The following DEGS1 variants were observed in gnomAD, a reference collection of about 807,000 sequenced individuals.
DEGS1 encodes the protein sphingolipid delta(4)-desaturase DES1.
A neutral mutation model predicts 24.1 loss-of-function variants in DEGS1; 17 were observed. The ratio of observed to expected loss-of-function variants is 0.70; its 90% CI spans 0.48 to 1.06. DEGS1 has a LOEUF of 1.06. Among genes scored for constraint, DEGS1 ranks in the 50% least tolerant of loss-of-function variants. The pLI is 0.00. For missense variants in DEGS1, 366 were observed against 408.9 expected, an observed-to-expected ratio of 0.90 and a Z score of 0.91; for synonymous variants, 134 against 140.0, an observed-to-expected ratio of 0.96 and a Z score of 0.30.
chr1:224,184,493 C>T (rs1356059110), intron 1 of DEGS1, among the ~76,000 whole-genome samples: 2 of 125,718 alleles, frequency 1.6e-5, no homozygotes, highest in Non-Finnish European at 3.4e-5. Flanking sequence ...TGAGACTGCA[C>T]GTGTTTGTTT....
At chr1:224,188,266 T>A (rs1658445973) in intron 1 of DEGS1, among the ~76,000 whole-genome samples, 1 of 152,080 alleles carries the variant, frequency 6.6e-6, no homozygotes, top group African/African-American at 2.4e-5. Flanking sequence ...TCTAAATATT[T>A]TAAGGTTCAT....
Position 224,190,106 on chromosome 1 carries a change from G to A in DEGS1, c.612G>A (p.Leu204=). The A allele has an allele frequency of 6.2e-7, 1 of 1,613,470 alleles. No homozygotes were observed. Among genetic ancestry groups the A allele is most frequent in the African/African-American group, 1.3e-5 (1 of 74,900 alleles). ...VTFDILIYYF[L]GIKSLVYMLA... ...TTGACATTTTAATTTATTACTTTTT[G>A]GGAATTAAATCCTTAGTCTACATGT... The change falls in exon 2 of 3, where the codon TTG becomes TTA. Residue 204 remains leucine, a synonymous_variant. Transcript: ENST00000323699.
At chr1:224,185,523 G>A (rs1053904773) in intron 1 of DEGS1, among the ~76,000 whole-genome samples, 4 of 151,950 alleles carry the variant, frequency 2.6e-5, no homozygotes, top group Non-Finnish European at 2.9e-5. Context: ...TTTTTGAGAC[G>A]GAGCCGCACT....
intron 2 of DEGS1, 44 bp downstream of exon 2, chr1:224,190,363 T>A: frequency 6.9e-7 from 1 of 1,440,504 alleles, no homozygotes; most frequent in Non-Finnish European, 9.1e-7. Flanking sequence ...GTTTTTTCAT[T>A]TGTTTGTTTT....
At position 224,189,606 on chromosome 1, in the gene DEGS1, A is replaced by C; in HGVS notation, c.112A>C (p.Lys38Gln). 6.2e-7 allele frequency: 1 copy of C among 1,607,398 alleles called. No individual in the cohort carries two copies. The highest frequency in any genetic ancestry group is 8.5e-7 in the Non-Finnish European group (1 of 1,177,384). ...AKYPEIKSLM[K>Q]PDPNLIWIII... ...GTATCCAGAGATAAAGTCCTTGATG[A>C]AACCTGATCCCAATTTGATATGGAT... Residue 38 changes from lysine to glutamine, a missense_variant, in exon 2 of 3, where the codon AAA becomes CAA. Physicochemically the swap from Lys to Gln is moderately conservative, Grantham distance 53. Coordinates refer to ENST00000323699, the MANE Select transcript of DEGS1 (RefSeq NM_003676.4).
In DEGS1 at chr1:224,183,387, G is replaced by C; in HGVS notation, c.51G>C (p.Gln17His). Residue 17 changes from glutamine to histidine, a missense_variant, in exon 1 of 3, where the codon CAG (glutamine) becomes CAC (histidine). By Grantham distance (24) the Gln-to-His change is conservative. Transcript: ENST00000323699. ...REDFEWVYTDQPHADRRREIL... is the reference protein window; with the variant it reads ...REDFEWVYTDHPHADRRREIL... ...ACTTCGAGTGGGTCTACACCGACCA[G>C]CCGCACGCCGACCGGCGCCGGGAGA... 1 of 1,434,622 alleles carries C rather than the reference G, an allele frequency of 7.0e-7. No homozygotes were observed. The highest frequency in any genetic ancestry group is 9.2e-7 in the Non-Finnish European group (1 of 1,084,574). 88.9% of individuals were successfully genotyped at this position (1,434,622 alleles called of 1,614,324 possible).
At chr1:224,190,424 C>T in intron 2 of DEGS1, 105 bp downstream of exon 2, 1 of 1,008,374 alleles carries the variant, frequency 9.9e-7, no homozygotes, top group Non-Finnish European at 1.4e-6. Flanking sequence ...GTGGCACGAT[C>T]TCGGCTCACT....
intron 2 of DEGS1, among the ~76,000 whole-genome samples, chr1:224,191,590 CTTTTTTTTTTTTTTTT>C (rs748181749): frequency 1.9e-5 from 1 of 53,302 alleles, no homozygotes. Flanking sequence ...TTGATAAGTG[CTTTTTTTTTTTTTTTT>C]TTTTTTTTGA....
At position 224,190,205 on chromosome 1, in the gene DEGS1, A is replaced by G; in HGVS notation, c.711A>G (p.Leu237=). The part of the protein sequence containing the change: ...GHFIAEHYMF[L]KGHETYSYYG... Reference sequence around the variant, plus strand: ...TTATAGCTGAGCATTACATGTTCTTAAAGGGTCATGAAACTTACTCATATT... The same window carrying G: ...TTATAGCTGAGCATTACATGTTCTTGAAGGGTCATGAAACTTACTCATATT... The change falls in exon 2 of 3, where the codon TTA becomes TTG. Residue 237 remains leucine, a synonymous_variant. Transcript: ENST00000323699. 6.5e-7 allele frequency: 1 copy of G among 1,541,380 alleles called. No individual in the cohort carries two copies. Among genetic ancestry groups the G allele is most frequent in the Non-Finnish European group, 8.7e-7 (1 of 1,148,560 alleles).
At chr1:224,189,175 CTG>C (rs746502908) in intron 1 of DEGS1, among the ~76,000 whole-genome samples, 17 of 152,294 alleles carry the variant, frequency 1.1e-4, no homozygotes, top group South Asian at 4.1e-4. Context: ...TCTGAGAAAA[CTG>C]TGAATACCAG....
intron 1 of DEGS1, among the ~76,000 whole-genome samples, chr1:224,184,332 C>T (rs1166000484): frequency 6.6e-6 from 1 of 152,154 alleles, no homozygotes; most frequent in East Asian, 1.9e-4. Flanking sequence ...AAACATTACC[C>T]AATTTCATCC....
Position 224,192,928 on chromosome 1 carries a change from C to T in DEGS1, c.*450C>T, listed in dbSNP as rs112243303. 0.046 allele frequency: 7,466 copies of T among 162,388 alleles called. 256 individuals are homozygous for T. Among genetic ancestry groups the T allele is most frequent in the Non-Finnish European group, 0.066 (4,978 of 75,396 alleles). The allele number at this position is 162,388 out of a possible 1,614,324, so 10.1% of individuals were successfully genotyped here. A position where few individuals can be genotyped will look rare whatever the true frequency, so the allele number is the denominator to read the frequency against. ...AATTAGCCGGGCGTGGCGGCACATG[C>T]CTGTAATCCCAGCTACATGGGAGGC... On this transcript the variant is annotated 3_prime_UTR_variant, in exon 3 of 3. Transcript: ENST00000323699.
chr1:224,189,645 G>T lies in DEGS1; in HGVS notation c.151G>T (p.Val51Phe), dbSNP rs1249216360. 3.1e-6 allele frequency: 5 copies of T among 1,613,526 alleles called. No individual in the cohort carries two copies. In the South Asian group the frequency reaches 5.5e-5, roughly 18 times the overall value. The change falls in exon 2 of 3, where the codon GTT (valine) becomes TTT (phenylalanine). Residue 51 changes from valine to phenylalanine, a missense_variant. Transcript: ENST00000323699. Reference sequence around the variant, plus strand: ...TTTGATATGGATTATAATTATGATGGTTCTCACCCAGTTGGGTGCATTTTA... The same window carrying T: ...TTTGATATGGATTATAATTATGATGTTTCTCACCCAGTTGGGTGCATTTTA... The part of the protein sequence containing the change: ...PNLIWIIIMM[V>F]LTQLGAFYIV...
intron 1 of DEGS1, among the ~76,000 whole-genome samples, chr1:224,186,712 C>CA (rs34809195): frequency 0.081 from 6,429 of 79,660 alleles, 342 homozygotes; most frequent in East Asian, 0.34. Context: ...GCCTCCGTCT[C>CA]AAAAAAAAAA....
At chr1:224,184,544 C>T (rs530424242) in intron 1 of DEGS1, among the ~76,000 whole-genome samples, 4 of 152,168 alleles carry the variant, frequency 2.6e-5, no homozygotes, top group East Asian at 3.9e-4. Context: ...CTGAGTCTCA[C>T]TCTGTTGCTC....
intron 1 of DEGS1, among the ~76,000 whole-genome samples, chr1:224,184,461 T>C (rs976591463): frequency 1.8e-5 from 2 of 109,988 alleles, no homozygotes; most frequent in Non-Finnish European, 4.4e-5. Context: ...AGCACGTGTT[T>C]GTTTTTTGTT....
chr1:224,183,570 C>T (rs1282988546), intron 1 of DEGS1, 152 bp downstream of exon 1: 2 of 515,200 alleles, frequency 3.9e-6, no homozygotes, highest in South Asian at 9.9e-5. Context: ...GGCCGCCAGC[C>T]CGCGGGTCAG....
intron 1 of DEGS1, among the ~76,000 whole-genome samples, chr1:224,188,727 G>A (rs1365347379): frequency 6.6e-6 from 1 of 152,082 alleles, no homozygotes; most frequent in Admixed American, 6.6e-5. Flanking sequence ...TCTGGATATA[G>A]GTCCCTTATG....
chr1:224,189,812 C>T lies in DEGS1; in HGVS notation c.318C>T (p.Arg106=), dbSNP rs776823459. The T allele has an allele frequency of 9.9e-6, 16 of 1,614,196 alleles. No individual in the cohort carries two copies. The South Asian group carries it at 1.6e-4, about 17-fold the overall frequency. ...GCAACTGCAAAGCAATGTGGAATCG[C>T]TGGTTTGGAATGTTTGCTAATCTTC... ...AFGNCKAMWN[R]WFGMFANLPI... is the part of the protein sequence containing the mutation. The change falls in exon 2 of 3, where the codon CGC becomes CGT. Residue 106 remains arginine (R), a synonymous_variant. Coordinates refer to ENST00000323699, the MANE Select transcript of DEGS1 (RefSeq NM_003676.4).
Sources: allele counts gnomAD v4.1 joint callset (sites outside exome capture counted in the v4.1 genomes callset), GRCh38; gene constraint gnomAD v4.1.1; transcripts MANE v1.5; gene names NCBI Gene and HGNC (gene_info 2026-07-23, HGNC 2026-07-21).